AFF3: variants seen among roughly 807,000 people sequenced by gnomAD.
The protein encoded by AFF3 is AF4/FMR2 family member 3.
Under a neutral mutation model 129.7 loss-of-function variants are expected in AFF3, and 32 were observed. The observed-to-expected ratio is 0.25, with a 90% CI of 0.19 to 0.33. AFF3 has a LOEUF of 0.33. Ranked by LOEUF, AFF3 falls within the 10% of genes least tolerant of loss-of-function variation. AFF3 has a pLI of 1.00. For missense variants in AFF3, 1,373 were observed against 1,592.0 expected (o/e 0.86, Z 2.34); for synonymous variants, 644 against 635.4 (o/e 1.01, Z -0.20).
chr2:99,743,987 T>G, intron 10 of AFF3, 117 bp downstream of exon 10: 1 of 857,712 alleles, frequency 1.2e-6, no homozygotes, highest in Non-Finnish European at 1.7e-6. Context: ...TTCCCCAGTT[T>G]TTTAGTGAAT....
intron 11 of AFF3, among the ~76,000 whole-genome samples, chr2:99,696,455 G>A (rs1431097412): frequency 1.3e-5 from 2 of 152,080 alleles, no homozygotes; most frequent in Non-Finnish European, 2.9e-5. Context: ...GGTGTGCATC[G>A]GCATCCTACA....
chr2:100,087,803 C>A (rs1559116512), intron 4 of AFF3, among the ~76,000 whole-genome samples: 1 of 151,530 alleles, frequency 6.6e-6, no homozygotes, highest in Non-Finnish European at 1.5e-5. Context: ...GTGACATAGT[C>A]CAGGAATGCA....
chr2:99,860,588 C>T (rs1021140187), intron 7 of AFF3, among the ~76,000 whole-genome samples: 1 of 150,170 alleles, frequency 6.7e-6, no homozygotes, highest in African/African-American at 2.4e-5. Context: ...ATTAGCCAGG[C>T]GTGGTGGTGT....
At chr2:99,863,400 A>G (rs1312182434) in intron 7 of AFF3, among the ~76,000 whole-genome samples, 1 of 152,174 alleles carries the variant, frequency 6.6e-6, no homozygotes, top group East Asian at 1.9e-4. Context: ...CAGTTAGACT[A>G]TTCTATTTGT....
intron 7 of AFF3, among the ~76,000 whole-genome samples, chr2:99,897,567 C>T (rs1033290768): frequency 1.1e-4 from 16 of 152,172 alleles, no homozygotes; most frequent in Non-Finnish European, 1.6e-4. Flanking sequence ...ACTGCCCACA[C>T]CAGACCACCT....
chr2:99,906,117 T>C (rs955306019), intron 7 of AFF3, among the ~76,000 whole-genome samples: 1 of 152,230 alleles, frequency 6.6e-6, no homozygotes, highest in African/African-American at 2.4e-5. Flanking sequence ...CTGGACGCCA[T>C]TCTAAATAAT....
intron 18 of AFF3, among the ~76,000 whole-genome samples, chr2:99,571,353 A>G (rs1420013070): frequency 6.6e-6 from 1 of 152,174 alleles, no homozygotes; most frequent in Non-Finnish European, 1.5e-5. Context: ...CATTTCATTA[A>G]AGGATTATCT....
chr2:100,035,447 G>A lies in AFF3; in HGVS notation c.54-26515C>T, dbSNP rs188841789. On this transcript the variant is annotated intron_variant, in intron 4 of 24. Transcript: ENST00000672756. ...ATGATGAACAAAAATGATTGCTGCA[G>A]ACTATGATGACTAAGGAAGACCATC... Among the ~76,000 whole-genome samples the A allele has an allele frequency of 1.7e-3, 254 of 152,306 alleles. 1 individual carries two copies. Among genetic ancestry groups the A allele is most frequent in the African/African-American group, 5.8e-3 (242 of 41,566 alleles).
chr2:100,021,335 T>TTC (rs1459994386), intron 4 of AFF3, among the ~76,000 whole-genome samples: 2 of 152,200 alleles, frequency 1.3e-5, no homozygotes, highest in African/African-American at 4.8e-5. Context: ...CGCAACCTGG[T>TTC]TCTCCTTTTA....
At chr2:99,666,197 G>A (rs1686654968) in intron 12 of AFF3, among the ~76,000 whole-genome samples, 1 of 152,144 alleles carries the variant, frequency 6.6e-6, no homozygotes. Context: ...AAATAAAGAT[G>A]AATAAGATAC....
chr2:99,941,969 G>A (rs555946713), intron 7 of AFF3, among the ~76,000 whole-genome samples: 1 of 152,296 alleles, frequency 6.6e-6, no homozygotes, highest in Non-Finnish European at 1.5e-5. Flanking sequence ...ACAGACAACT[G>A]CAATTCCTAA....
At chr2:100,065,519 T>G (rs1406043834) in intron 4 of AFF3, among the ~76,000 whole-genome samples, 1 of 152,218 alleles carries the variant, frequency 6.6e-6, no homozygotes, top group Non-Finnish European at 1.5e-5. Context: ...TGTTACCCTT[T>G]TACAACATAA....
chr2:99,911,769 C>G (rs7593337), intron 7 of AFF3, among the ~76,000 whole-genome samples: 68,516 of 152,042 alleles, frequency 0.45, 16,514 homozygotes, highest in African/African-American at 0.62. Context: ...GCACCACAGA[C>G]ACAAAACCCA....
At chr2:99,558,990 GGC>G in intron 21 of AFF3, 22 bp from the exon 22 acceptor site, 1 of 1,612,760 alleles carries the variant, frequency 6.2e-7, no homozygotes. Flanking sequence ...AAGAGAAACA[GGC>G]CCAGAAGCGG....
In AFF3 at chr2:99,808,737, A is replaced by G. The variant is rs530158828; in HGVS notation, c.921+28740T>C. ...CTTATGTTGCCTGGCAACAAGATAT[A>G]AAAATGATGTACAATGTCAGTGACT... On this transcript the variant is annotated intron_variant, in intron 8 of 24. Transcript: ENST00000672756. Among the ~76,000 whole-genome samples, 10 of 152,374 alleles carry G rather than the reference A, an allele frequency of 6.6e-5. No individual in the cohort carries two copies. The South Asian group carries it at 2.1e-3, about 32-fold the overall frequency.
intron 8 of AFF3, among the ~76,000 whole-genome samples, chr2:99,784,709 A>G (rs192491201): frequency 1.3e-4 from 20 of 152,366 alleles, no homozygotes; most frequent in Non-Finnish European, 2.2e-4. Flanking sequence ...ATTCTACTGA[A>G]TAATGTGGAC....
chr2:99,981,732 A>G (rs1434520558), intron 7 of AFF3, among the ~76,000 whole-genome samples: 2 of 152,192 alleles, frequency 1.3e-5, no homozygotes, highest in Non-Finnish European at 2.9e-5. Flanking sequence ...AGAGTACTTC[A>G]TATCTTAAGG....
At chr2:99,950,147 A>G (rs1360850146) in intron 7 of AFF3, among the ~76,000 whole-genome samples, 3 of 152,206 alleles carry the variant, frequency 2.0e-5, no homozygotes, top group Non-Finnish European at 4.4e-5. Flanking sequence ...CTTTAGCTAA[A>G]TCTTACGTAC....
chr2:99,906,045 C>A (rs1277226066), intron 7 of AFF3, among the ~76,000 whole-genome samples: 1 of 152,174 alleles, frequency 6.6e-6, no homozygotes, highest in Non-Finnish European at 1.5e-5. Context: ...GGTCCCAACA[C>A]CAAAATACTC....
Sources: allele counts gnomAD v4.1 joint callset (sites outside exome capture counted in the v4.1 genomes callset), GRCh38; gene constraint gnomAD v4.1.1; transcripts MANE v1.5; gene names NCBI Gene and HGNC (gene_info 2026-07-23, HGNC 2026-07-21).